ROBO2: variants seen among roughly 807,000 people sequenced by gnomAD.
ROBO2 encodes roundabout guidance receptor 2.
Under a neutral mutation model 160.8 loss-of-function variants are expected in ROBO2, and 53 were observed. The ratio of observed to expected loss-of-function variants is 0.33; its 90% CI spans 0.26 to 0.41. ROBO2 has a LOEUF of 0.41. Among genes scored for constraint, ROBO2 ranks in the 10% least tolerant of loss-of-function variants. The pLI is 1.00. For missense variants in ROBO2, 1,577 were observed against 1,722.4 expected, an observed-to-expected ratio of 0.92 and a Z score of 1.49; for synonymous variants, 664 against 611.7, an observed-to-expected ratio of 1.09 and a Z score of -1.26.
At chr3:77,444,390 A>T (rs1039771098) in intron 2 of ROBO2, among the ~76,000 whole-genome samples, 1 of 152,206 alleles carries the variant, frequency 6.6e-6, no homozygotes, top group Non-Finnish European at 1.5e-5. Flanking sequence ...TTTTAATGGA[A>T]ACATTAACTT....
At chr3:77,193,968 A>G (rs73098067) in intron 2 of ROBO2, among the ~76,000 whole-genome samples, 29,735 of 152,016 alleles carry the variant, frequency 0.2, 3,332 homozygotes, top group Middle Eastern at 0.31. Flanking sequence ...ATATTTTCAG[A>G]TATTTAGATT....
chr3:76,669,156 T>C (rs967035884), intron 2 of ROBO2, among the ~76,000 whole-genome samples: 2 of 152,096 alleles, frequency 1.3e-5, no homozygotes, highest in Non-Finnish European at 2.9e-5. Flanking sequence ...CATATTATTG[T>C]CCTTTCTGTG....
At chr3:77,043,487 A>G (rs947318001) in intron 1 of ROBO2, among the ~76,000 whole-genome samples, 4 of 152,152 alleles carry the variant, frequency 2.6e-5, no homozygotes, top group Non-Finnish European at 5.9e-5. Flanking sequence ...ATTTTTCAGT[A>G]TTGTGTCCCT....
chr3:75,921,481 G>C (rs1252647053), intron 1 of ROBO2, among the ~76,000 whole-genome samples: 4 of 152,114 alleles, frequency 2.6e-5, no homozygotes, highest in South Asian at 2.1e-4. Flanking sequence ...GCATCTTCCA[G>C]CTTCACACAC....
intron 2 of ROBO2, among the ~76,000 whole-genome samples, chr3:77,104,698 A>G (rs1243532331): frequency 6.6e-6 from 1 of 152,170 alleles, no homozygotes; most frequent in African/African-American, 2.4e-5. Flanking sequence ...GGTGCATTGA[A>G]GTAACTGTAT....
chr3:76,207,749 G>A (rs1702899410), intron 2 of ROBO2, among the ~76,000 whole-genome samples: 1 of 152,166 alleles, frequency 6.6e-6, no homozygotes, highest in African/African-American at 2.4e-5. Flanking sequence ...GGATCACAAA[G>A]GAGGAAGGAG....
rs114731863 is a variant in ROBO2, at chr3:77,288,788, C to T, written c.389-188626C>T. Among the ~76,000 whole-genome samples, 1,282 of 152,176 alleles carry T rather than the reference C, an allele frequency of 8.4e-3. 28 individuals are homozygous for T. The highest frequency in any genetic ancestry group is 0.049 in the Admixed American group (751 of 15,268). On this transcript the variant is annotated intron_variant, in intron 2 of 25. Transcript: ENST00000461745. ...GGAGACGAGACCCTACTCAAGCATA[C>T]GGATACAAATTGATTATACCTGGGT...
At chr3:76,455,042 A>G (rs2077679359) in intron 2 of ROBO2, among the ~76,000 whole-genome samples, 1 of 152,152 alleles carries the variant, frequency 6.6e-6, no homozygotes, top group African/African-American at 2.4e-5. Context: ...TAAAGTTAAA[A>G]TGTTTTCTTT....
At chr3:76,347,198 A>G (rs978285706) in intron 2 of ROBO2, among the ~76,000 whole-genome samples, 6 of 152,158 alleles carry the variant, frequency 3.9e-5, no homozygotes, top group Non-Finnish European at 7.3e-5. Context: ...CCACCTTCAT[A>G]TCACCTACTC....
exon 26 of ROBO2, chr3:77,647,042 A>C (rs1274004037): frequency 6.6e-6 from 1 of 152,538 alleles, no homozygotes; most frequent in African/African-American, 2.4e-5. Context: ...CAAGGAAACG[A>C]ACAAAATGAA....
chr3:77,057,955 C>G lies in ROBO2; in HGVS notation c.61+17109C>G, dbSNP rs533551536. ...TGTATACCTATGTAACAAAGCTGCA[C>G]GTTCTGCACATGTATCCAGAACTTA... On this transcript the variant is annotated intron_variant, in intron 1 of 25. Coordinates refer to ENST00000461745, the Ensembl canonical transcript of ROBO2. 9.9e-5 allele frequency among the ~76,000 whole-genome samples: 15 copies of G among 151,826 alleles called. No individual in the cohort carries two copies. In the South Asian group the frequency reaches 2.7e-3, roughly 27 times the overall value.
intron 2 of ROBO2, among the ~76,000 whole-genome samples, chr3:76,906,658 C>G (rs2075626907): frequency 1.3e-5 from 2 of 152,008 alleles, no homozygotes; most frequent in Admixed American, 1.3e-4. Flanking sequence ...GTTAAATAAC[C>G]TGCTCAGGAC....
chr3:76,381,030 G>T (rs1356883413), intron 2 of ROBO2, among the ~76,000 whole-genome samples: 1 of 140,222 alleles, frequency 7.1e-6, no homozygotes, highest in Non-Finnish European at 1.5e-5. Flanking sequence ...TTACGTGAGC[G>T]GACTAAAAAA....
Position 76,730,216 on chromosome 3 carries a change from C to T in ROBO2, c.110-367798C>T, listed in dbSNP as rs1362487498. On this transcript the variant is annotated intron_variant, in intron 2 of 26. Coordinates refer to the ROBO2 transcript ENST00000487694. ...CCTACTCGCTTGTCCTCACCTCCTACTCCCTACCCACCTCTCCTCACCTCC... is the reference window on the plus strand; with the variant it reads ...CCTACTCGCTTGTCCTCACCTCCTATTCCCTACCCACCTCTCCTCACCTCC... 5.8e-5 allele frequency among the ~76,000 whole-genome samples: 5 copies of T among 85,790 alleles called. 1 individual carries two copies. Among genetic ancestry groups the T allele is most frequent in the Non-Finnish European group, 8.5e-5 (3 of 35,278 alleles). The allele number at this position is 85,790 out of a possible 152,430, so 56.3% of individuals were successfully genotyped here. A position where few individuals can be genotyped will look rare whatever the true frequency, so the allele number is the denominator to read the frequency against.
intron 1 of ROBO2, among the ~76,000 whole-genome samples, chr3:77,044,798 C>T (rs1221035003): frequency 2.0e-5 from 3 of 152,106 alleles, no homozygotes; most frequent in Admixed American, 6.6e-5. Flanking sequence ...AAGTAAAAGT[C>T]GTCATATCTG....
chr3:77,219,365 C>T (rs2085415944), intron 2 of ROBO2, among the ~76,000 whole-genome samples: 1 of 148,370 alleles, frequency 6.7e-6, no homozygotes, highest in Non-Finnish European at 1.5e-5. Context: ...ATGATTATAA[C>T]CAAACTTATT....
rs562926078 is a variant in ROBO2 at position 77,045,519 on chromosome 3, G to A, written c.61+4673G>A. 1.4e-4 allele frequency among the ~76,000 whole-genome samples: 21 copies of A among 152,250 alleles called. 1 individual carries two copies. The South Asian group carries it at 3.9e-3, about 29-fold the overall frequency. ...TGACATACTCACCTGACTACTTGAC[G>A]TCTTTGCTTCATGTCCAATGAGAAT... On this transcript the variant is annotated intron_variant, in intron 1 of 25. Transcript: ENST00000461745.
At chr3:76,197,091 T>G (rs1702295233) in intron 2 of ROBO2, among the ~76,000 whole-genome samples, 1 of 152,086 alleles carries the variant, frequency 6.6e-6, no homozygotes, top group African/African-American at 2.4e-5. Context: ...TTTCTCCTTT[T>G]GGGGAGTGAT....
At chr3:76,777,216 G>A (rs773639191) in intron 2 of ROBO2, among the ~76,000 whole-genome samples, 8 of 151,066 alleles carry the variant, frequency 5.3e-5, no homozygotes, top group Non-Finnish European at 7.4e-5. Flanking sequence ...ACACTGATTC[G>A]AAGTCATACA....
Sources: allele counts gnomAD v4.1 joint callset (sites outside exome capture counted in the v4.1 genomes callset), GRCh38; gene constraint gnomAD v4.1.1; transcripts MANE v1.5; gene names NCBI Gene and HGNC (gene_info 2026-07-23, HGNC 2026-07-21).